The following SLMAP variants were observed in gnomAD, a reference collection of about 807,000 sequenced individuals.
SLMAP encodes the protein sarcolemma associated protein, also known as sarcolemmal membrane-associated protein.
In SLMAP, 44 loss-of-function variants were observed where a neutral mutation model predicts 128.8. The ratio of observed to expected loss-of-function variants is 0.34; its 90% CI spans 0.27 to 0.44. SLMAP has a LOEUF of 0.44. SLMAP is among the 20% of genes least tolerant of loss of function. The pLI is 1.00. For missense variants in SLMAP, 787 were observed against 985.3 expected (o/e 0.80, Z 2.69); for synonymous variants, 327 against 348.8 (o/e 0.94, Z 0.70).
chr3:57,859,496 A>G (rs1419471171), intron 8 of SLMAP, among the ~76,000 whole-genome samples: 1 of 152,166 alleles, frequency 6.6e-6, no homozygotes, highest in Non-Finnish European at 1.5e-5. Context: ...TTGTGATTAC[A>G]GTGAGTTATG....
intron 2 of SLMAP, among the ~76,000 whole-genome samples, chr3:57,827,493 A>G (rs1317323649): frequency 6.6e-6 from 1 of 152,240 alleles, no homozygotes; most frequent in African/African-American, 2.4e-5. Context: ...TTCAAGGATC[A>G]CCATCAATGC....
intron 22 of SLMAP, among the ~76,000 whole-genome samples, chr3:57,918,900 G>A (rs1251344145): frequency 6.6e-6 from 1 of 152,146 alleles, no homozygotes; most frequent in East Asian, 1.9e-4. Context: ...AAAGGTGTTG[G>A]TAATATTGTG....
intron 2 of SLMAP, among the ~76,000 whole-genome samples, chr3:57,822,349 G>C (rs1302523413): frequency 6.6e-6 from 1 of 152,164 alleles, no homozygotes; most frequent in African/African-American, 2.4e-5. Context: ...CTGTGAGGTC[G>C]TGGCACTCTG....
At chr3:57,842,734 T>G (rs760269761) in intron 4 of SLMAP, among the ~76,000 whole-genome samples, 12 of 152,238 alleles carry the variant, frequency 7.9e-5, no homozygotes, top group Non-Finnish European at 1.5e-4. Context: ...TTTGCCCATT[T>G]TCTTCTCATT....
chr3:57,769,060 A>C (rs2080291480), intron 2 of SLMAP, among the ~76,000 whole-genome samples: 2 of 152,172 alleles, frequency 1.3e-5, no homozygotes, highest in African/African-American at 4.8e-5. Context: ...TGACTGCCAA[A>C]TTGGTACGAG....
chr3:57,898,260 T>C (rs151140504), intron 17 of SLMAP: 93 of 152,292 alleles, frequency 6.1e-4, no homozygotes, highest in African/African-American at 2.1e-3. Flanking sequence ...AGAACTCTCA[T>C]CTCAGAAATG....
chr3:57,795,800 A>G (rs958471392), intron 2 of SLMAP, among the ~76,000 whole-genome samples: 16 of 151,982 alleles, frequency 1.1e-4, no homozygotes, highest in Non-Finnish European at 2.2e-4. Flanking sequence ...CCAAACAGAA[A>G]CACTGTACCC....
intron 2 of SLMAP, among the ~76,000 whole-genome samples, chr3:57,782,466 C>G (rs1437968355): frequency 6.6e-6 from 1 of 151,960 alleles, no homozygotes; most frequent in African/African-American, 2.4e-5. Flanking sequence ...TTTAGGTGGC[C>G]AAACTTTCCT....
intron 8 of SLMAP, among the ~76,000 whole-genome samples, chr3:57,859,078 C>T (rs917791747): frequency 6.6e-6 from 1 of 152,140 alleles, no homozygotes; most frequent in Non-Finnish European, 1.5e-5. Context: ...AATCCTAGCA[C>T]TTTGGGAGGC....
intron 2 of SLMAP, among the ~76,000 whole-genome samples, chr3:57,786,899 AATTTTTTGT>A (rs1213541670): frequency 1.3e-5 from 2 of 151,622 alleles, no homozygotes; most frequent in Non-Finnish European, 2.9e-5. Flanking sequence ...ACGCCTGGCT[AATTTTTTGT>A]ATTTTTTTAA....
intron 23 of SLMAP, among the ~76,000 whole-genome samples, 198 bp from the exon 24 acceptor site, chr3:57,925,647 T>C (rs2096994103): frequency 6.6e-6 from 1 of 152,214 alleles, no homozygotes; most frequent in African/African-American, 2.4e-5. Flanking sequence ...TTTAAACTGA[T>C]AGTTTCCCAA....
intron 13 of SLMAP, among the ~76,000 whole-genome samples, chr3:57,869,036 AATATATATTATATATATT>A (rs1160827116): frequency 7.2e-6 from 1 of 138,688 alleles, no homozygotes; most frequent in East Asian, 2.0e-4. Flanking sequence ...TTATATATAT[AATATATATTATATATATT>A]ATATATATAA....
intron 2 of SLMAP, among the ~76,000 whole-genome samples, chr3:57,812,465 A>G (rs2091161624): frequency 1.3e-5 from 2 of 152,164 alleles, no homozygotes; most frequent in Admixed American, 1.3e-4. Flanking sequence ...TGCCGGTACC[A>G]TACTGTTTTG....
At chr3:57,848,231 T>C (rs2094343759) in intron 5 of SLMAP, among the ~76,000 whole-genome samples, 1 of 149,918 alleles carries the variant, frequency 6.7e-6, no homozygotes, top group Non-Finnish European at 1.5e-5. Context: ...TTTTCCTCCT[T>C]CTTGGTTTTT....
At chr3:57,801,753 A>G (rs1037606390) in intron 2 of SLMAP, among the ~76,000 whole-genome samples, 1 of 151,868 alleles carries the variant, frequency 6.6e-6, no homozygotes, top group Non-Finnish European at 1.5e-5. Context: ...GAAGTAGATC[A>G]AAGGGCACAT....
In SLMAP at chr3:57,894,662, A is replaced by G. The variant is rs574488413; in HGVS notation, c.1361-1849A>G. 4.6e-5 allele frequency among the ~76,000 whole-genome samples: 7 copies of G among 152,390 alleles called. No homozygotes were observed. The East Asian group carries it at 1.3e-3, about 29-fold the overall frequency. On this transcript the variant is annotated intron_variant, in intron 15 of 24. Transcript: ENST00000671191. ...AAGACACAAAGATACAATTAAAAGG[A>G]GCACCATGGTGGAGAAATGAAGACT...
chr3:57,906,564 G>GCCTC, intron 17 of SLMAP, among the ~76,000 whole-genome samples: 1 of 148,322 alleles, frequency 6.7e-6, no homozygotes, highest in Non-Finnish European at 1.5e-5. Context: ...TGATCTGCCT[G>GCCTC]CCTCAGCCTC....
intron 23 of SLMAP, among the ~76,000 whole-genome samples, chr3:57,925,192 C>CA (rs1299725816): frequency 6.6e-6 from 1 of 150,706 alleles, no homozygotes; most frequent in African/African-American, 2.4e-5. Context: ...TGGCCTTAAG[C>CA]AATCTGCCCA....
chr3:57,875,496 C>T (rs1191799170), intron 14 of SLMAP, among the ~76,000 whole-genome samples: 1 of 152,200 alleles, frequency 6.6e-6, no homozygotes, highest in Non-Finnish European at 1.5e-5. Flanking sequence ...GCCTGGGCTA[C>T]AGAGCAAGAC....
Sources: allele counts gnomAD v4.1 joint callset (sites outside exome capture counted in the v4.1 genomes callset), GRCh38; gene constraint gnomAD v4.1.1; transcripts MANE v1.5; gene names NCBI Gene and HGNC (gene_info 2026-07-23, HGNC 2026-07-21).